Variants in LRRC3B observed in about 807,000 individuals in gnomAD.
The protein encoded by LRRC3B is leucine-rich repeat-containing protein 3B.
Under a neutral mutation model 12.8 loss-of-function variants are expected in LRRC3B, and 2 were observed. That is an observed-to-expected ratio of 0.16 (90% confidence interval 0.06 to 0.49). The LOEUF (loss-of-function observed/expected upper bound fraction) is 0.49, where lower values mean the gene tolerates loss of function less well. Ranked by LOEUF, LRRC3B falls within the 20% of genes least tolerant of loss-of-function variation. LRRC3B has a pLI of 0.96. For missense variants in LRRC3B, 189 were observed against 319.4 expected (o/e 0.59, Z 3.11); for synonymous variants, 132 against 122.0 (o/e 1.08, Z -0.54).
At chr3:26,631,988 C>T (rs1418965395) in intron 1 of LRRC3B, among the ~76,000 whole-genome samples, 1 of 152,202 alleles carries the variant, frequency 6.6e-6, no homozygotes, top group Non-Finnish European at 1.5e-5. Flanking sequence ...CATTTCTTTG[C>T]TTAGGGCTTC....
chr3:26,654,571 G>A (rs955322900), intron 1 of LRRC3B, among the ~76,000 whole-genome samples: 1 of 152,146 alleles, frequency 6.6e-6, no homozygotes, highest in Non-Finnish European at 1.5e-5. Context: ...TCTTTGATGG[G>A]GAGTAAGGAG....
intron 1 of LRRC3B, among the ~76,000 whole-genome samples, chr3:26,653,418 A>G (rs1487470388): frequency 6.6e-6 from 1 of 152,196 alleles, no homozygotes; most frequent in African/African-American, 2.4e-5. Context: ...ATGAGCTTGG[A>G]TATACATGTG....
chr3:26,665,091 G>A (rs1030635867), intron 1 of LRRC3B, among the ~76,000 whole-genome samples: 2 of 151,938 alleles, frequency 1.3e-5, no homozygotes, highest in Admixed American at 1.3e-4. Flanking sequence ...TTTTGGGAGT[G>A]AAAGCAGCAC....
At chr3:26,677,230 A>G (rs752304225) in intron 1 of LRRC3B, among the ~76,000 whole-genome samples, 2 of 152,072 alleles carry the variant, frequency 1.3e-5, no homozygotes, top group African/African-American at 4.8e-5. Flanking sequence ...GGCACTTATC[A>G]TACAAGGAAG....
intron 1 of LRRC3B, among the ~76,000 whole-genome samples, chr3:26,632,166 C>T (rs1251703165): frequency 6.6e-6 from 1 of 152,180 alleles, no homozygotes; most frequent in Non-Finnish European, 1.5e-5. Flanking sequence ...AGGGGTGAAA[C>T]AATTAATAAC....
At chr3:26,675,671 T>G (rs1207786433) in intron 1 of LRRC3B, among the ~76,000 whole-genome samples, 1 of 152,228 alleles carries the variant, frequency 6.6e-6, no homozygotes, top group African/African-American at 2.4e-5. Context: ...ATGCATATAT[T>G]TGAATATATA....
intron 1 of LRRC3B, among the ~76,000 whole-genome samples, chr3:26,700,369 A>G (rs1308233068): frequency 6.6e-6 from 1 of 152,148 alleles, no homozygotes; most frequent in Non-Finnish European, 1.5e-5. Flanking sequence ...AAAGAGATAT[A>G]GAAACCAATG....
chr3:26,649,122 A>C (rs1699212866), intron 1 of LRRC3B, among the ~76,000 whole-genome samples: 1 of 152,236 alleles, frequency 6.6e-6, no homozygotes, highest in African/African-American at 2.4e-5. Flanking sequence ...TATTTTCTTG[A>C]GAAAAGAATT....
At chr3:26,632,281 T>C (rs991390250) in intron 1 of LRRC3B, among the ~76,000 whole-genome samples, 2 of 152,228 alleles carry the variant, frequency 1.3e-5, no homozygotes, top group African/African-American at 4.8e-5. Flanking sequence ...TTTATAACCA[T>C]ATGATCATAT....
At chr3:26,655,179 TTTC>T (rs1436934687) in intron 1 of LRRC3B, among the ~76,000 whole-genome samples, 1 of 152,166 alleles carries the variant, frequency 6.6e-6, no homozygotes, top group African/African-American at 2.4e-5. Context: ...ATAAAAATTG[TTTC>T]TTCTTAGATA....
chr3:26,627,291 G>A (rs1698649445), intron 1 of LRRC3B, among the ~76,000 whole-genome samples: 1 of 152,126 alleles, frequency 6.6e-6, no homozygotes, highest in Admixed American at 6.5e-5. Flanking sequence ...AAGTCAGCCA[G>A]GGTAAACAGG....
At chr3:26,649,235 C>T (rs534014043) in intron 1 of LRRC3B, among the ~76,000 whole-genome samples, 1 of 152,324 alleles carries the variant, frequency 6.6e-6, no homozygotes, top group East Asian at 1.9e-4. Flanking sequence ...ACAGAATTAT[C>T]TTAGAACATC....
At chr3:26,657,182 C>T (rs1328168017) in intron 1 of LRRC3B, among the ~76,000 whole-genome samples, 1 of 152,100 alleles carries the variant, frequency 6.6e-6, no homozygotes, top group Non-Finnish European at 1.5e-5. Context: ...CTTTCCAAAC[C>T]ACAAACTCCC....
intron 1 of LRRC3B, among the ~76,000 whole-genome samples, chr3:26,667,853 C>G (rs1023109592): frequency 6.6e-6 from 1 of 151,748 alleles, no homozygotes; most frequent in Non-Finnish European, 1.5e-5. Flanking sequence ...AAATACCAAC[C>G]CTGAACATAT....
chr3:26,708,415 G>A (rs994769059), intron 1 of LRRC3B, among the ~76,000 whole-genome samples: 3 of 152,180 alleles, frequency 2.0e-5, no homozygotes, highest in Non-Finnish European at 2.9e-5. Context: ...GGAAGAGAGT[G>A]TGTGGATAGT....
intron 1 of LRRC3B, among the ~76,000 whole-genome samples, chr3:26,671,365 T>TAGAGAGAGAGAGAGAG (rs1466620108): frequency 1.4e-4 from 6 of 43,442 alleles, no homozygotes; most frequent in Non-Finnish European, 2.6e-4. Context: ...TATATATATA[T>TAGAGAGAGAGAGAGAG]ATATATATAG....
intron 1 of LRRC3B, among the ~76,000 whole-genome samples, chr3:26,691,909 C>A (rs1253795114): frequency 6.6e-6 from 1 of 152,188 alleles, no homozygotes; most frequent in Non-Finnish European, 1.5e-5. Context: ...TTAAATTCTT[C>A]ACTGAATCTC....
At chr3:26,707,763 C>A (rs2125465861) in intron 1 of LRRC3B, among the ~76,000 whole-genome samples, 1 of 97,938 alleles carries the variant, frequency 1.0e-5, no homozygotes. Flanking sequence ...CTCCTCTCTT[C>A]CCTTCCACAC....
At chr3:26,644,929 C>A (rs898857939) in intron 1 of LRRC3B, among the ~76,000 whole-genome samples, 1 of 152,078 alleles carries the variant, frequency 6.6e-6, no homozygotes, top group Non-Finnish European at 1.5e-5. Context: ...AGGTAATATA[C>A]AAATATACAC....
Sources: gnomAD v4.1 joint callset for allele counts (sites outside exome capture counted in the v4.1 genomes callset) on GRCh38, gnomAD v4.1.1 for gene constraint, MANE v1.5 for transcripts, NCBI Gene and HGNC (gene_info 2026-07-23, HGNC 2026-07-21) for gene names.